DNAH8: variants seen among roughly 807,000 people sequenced by gnomAD.
DNAH8 encodes dynein axonemal heavy chain 8, also known as axonemal beta dynein heavy chain 8.
In DNAH8, 382 loss-of-function variants were observed where a neutral mutation model predicts 562.1. That is an observed-to-expected ratio of 0.68 (90% CI 0.63 to 0.74). The LOEUF is 0.74. Among genes scored for constraint, DNAH8 ranks in the 30% least tolerant of loss-of-function variants. The probability of loss-of-function intolerance (pLI) is 0.00; values close to 1 mark genes in which losing one functional copy is unlikely to be tolerated. For missense variants in DNAH8, 5,203 were observed against 5,620.4 expected (o/e 0.93, Z 2.37); for synonymous variants, 1,881 against 1,919.4 (o/e 0.98, Z 0.52).
At position 38,842,594 on chromosome 6, in the gene DNAH8, G is replaced by A. The variant is rs971625336; in HGVS notation, c.4605-69G>A. On this transcript the variant is annotated intron_variant, in intron 34 of 92. Transcript: ENST00000327475. ...CTAATTTATTCCCTAATATAATAGTGTATATACATAAAACCTTCCTCAAAT... is the reference window on the plus strand; with the variant it reads ...CTAATTTATTCCCTAATATAATAGTATATATACATAAAACCTTCCTCAAAT... The A allele has an allele frequency of 5.0e-6, 8 of 1,585,052 alleles. No individual in the cohort carries two copies. The Admixed American group carries it at 8.8e-5, about 18-fold the overall frequency.
intron 26 of DNAH8, chr6:38,822,328 AGGTTT>A (rs1772934173): frequency 6.5e-6 from 1 of 152,886 alleles, no homozygotes; most frequent in South Asian, 2.1e-4. Context: ...TAAAAATACC[AGGTTT>A]AACAAGCAGG....
At position 38,850,346 on chromosome 6, in the gene DNAH8, T is replaced by C; in HGVS notation, c.5295T>C (p.Asp1765=). The change falls in exon 38 of 93, where the codon GAT becomes GAC. Residue 1765 remains aspartate, a synonymous_variant. Coordinates refer to ENST00000327475, the MANE Select transcript of DNAH8 (RefSeq NM_001206927.2). Reference sequence around the variant, plus strand: ...ATGTGATTAATTGCTGTGTTGGAGATGAAACCATGGGACAACTTTTACCTC... The same window carrying C: ...ATGTGATTAATTGCTGTGTTGGAGACGAAACCATGGGACAACTTTTACCTC... The part of the protein sequence containing the change: ...NPNVINCCVG[D]ETMGQLLPHL... The C allele has an allele frequency of 6.2e-7, 1 of 1,613,758 alleles. No homozygotes were observed. Among genetic ancestry groups the C allele is most frequent in the East Asian group, 2.2e-5 (1 of 44,850 alleles).
chr6:38,923,086 G>A lies in DNAH8; in HGVS notation c.10691G>A (p.Arg3564Gln), dbSNP rs772835642. The part of the protein sequence containing the change: ...MDLLNDADTC[R>Q]KKMQAASTLI... ...TTGCTTAATGACGCTGATACGTGCC[G>A]GAAAAAGATGCAGGCCGCCTCCACT... The change falls in exon 72 of 93, where the codon CGG becomes CAG. Residue 3564 changes from arginine (R) to glutamine (Q), a missense_variant. Around this residue, in one of 6 missense-constraint regions of DNAH8, gnomAD observed 1,399 missense variants for 1,518.4 expected, o/e 0.92. Coordinates refer to ENST00000327475, the MANE Select transcript of DNAH8 (RefSeq NM_001206927.2). 27 of 1,613,436 alleles carry A rather than the reference G, an allele frequency of 1.7e-5. No individual in the cohort carries two copies. Among genetic ancestry groups the A allele is most frequent in the East Asian group, 6.7e-5 (3 of 44,818 alleles).
chr6:38,734,762 T>TA lies in DNAH8; in HGVS notation c.762+145dup, dbSNP rs1051938363. The TA allele has an allele frequency of 1.6e-4, 154 of 942,602 alleles. No homozygotes were observed. In the East Asian group the frequency reaches 2.4e-3, roughly 15 times the overall value. 58.4% of individuals were successfully genotyped at this position (942,602 alleles called of 1,614,324 possible). On this transcript the variant is annotated intron_variant, in intron 5 of 92. Coordinates refer to ENST00000327475, the MANE Select transcript of DNAH8 (RefSeq NM_001206927.2). ...CAAGAAAATAAATGTATTCATATATTAAAAAAAACTGAGAAATTGACTGTA... is the reference window on the plus strand; with the variant it reads ...CAAGAAAATAAATGTATTCATATATTAAAAAAAAACTGAGAAATTGACTGTA...
In DNAH8 at chr6:38,929,504, T is replaced by C. The variant is rs1168165910; in HGVS notation, c.11119-7T>C. The C allele has an allele frequency of 6.9e-6, 11 of 1,604,214 alleles. No individual in the cohort carries two copies. Among genetic ancestry groups the C allele is most frequent in the Non-Finnish European group, 9.4e-6 (11 of 1,175,484 alleles). ...CACAGATAGACCAATGAGTTCTTTC[T>C]GTTTAGGTGACATCTCTGAACCATA... On this transcript the variant is annotated splice_polypyrimidine_tract_variant and splice_region_variant and intron_variant, in intron 74 of 92. Coordinates refer to ENST00000327475, the MANE Select transcript of DNAH8 (RefSeq NM_001206927.2).
At chr6:38,834,172 T>G (rs1003071954) in intron 31 of DNAH8, among the ~76,000 whole-genome samples, 1 of 152,228 alleles carries the variant, frequency 6.6e-6, no homozygotes, top group African/African-American at 2.4e-5. Flanking sequence ...AAACACAGCA[T>G]CATCATTTGT....
intron 57 of DNAH8, among the ~76,000 whole-genome samples, chr6:38,887,308 G>C (rs1391441085): frequency 6.6e-6 from 1 of 152,180 alleles, no homozygotes; most frequent in Admixed American, 6.5e-5. Flanking sequence ...ATAGCACAAA[G>C]ATCACAGATT....
chr6:39,017,924 G>A (rs528888607), intron 91 of DNAH8, among the ~76,000 whole-genome samples: 25 of 152,314 alleles, frequency 1.6e-4, no homozygotes, highest in African/African-American at 6.0e-4. Context: ...GGGAAAGTGT[G>A]CCAAGGACTA....
chr6:38,993,632 T>C (rs949515650), intron 88 of DNAH8, among the ~76,000 whole-genome samples: 17 of 152,170 alleles, frequency 1.1e-4, no homozygotes, highest in African/African-American at 3.9e-4. Context: ...CATACATATA[T>C]ACATATTGTT....
intron 31 of DNAH8, among the ~76,000 whole-genome samples, chr6:38,833,087 C>T (rs1002782213): frequency 2.0e-5 from 3 of 151,986 alleles, no homozygotes; most frequent in Non-Finnish European, 4.4e-5. Context: ...TGGGTCAGTC[C>T]CGTATGCTAC....
intron 27 of DNAH8, among the ~76,000 whole-genome samples, chr6:38,823,286 C>T (rs997227556): frequency 1.3e-5 from 2 of 152,174 alleles, no homozygotes; most frequent in East Asian, 3.8e-4. Context: ...TGTGCCACCA[C>T]GGACTAGAGG....
At chr6:38,934,310 A>G (rs921088817) in intron 76 of DNAH8, among the ~76,000 whole-genome samples, 18 of 152,120 alleles carry the variant, frequency 1.2e-4, no homozygotes, top group Non-Finnish European at 7.4e-5. Flanking sequence ...CCGAGATCAC[A>G]CCACTGTATC....
At chr6:38,852,918 G>T in intron 40 of DNAH8, 120 bp downstream of exon 40, 1 of 769,738 alleles carries the variant, frequency 1.3e-6, no homozygotes. Flanking sequence ...TACAGCCCTG[G>T]GCTTTGTTAA....
intron 30 of DNAH8, among the ~76,000 whole-genome samples, chr6:38,831,298 A>C (rs1196860971): frequency 1.3e-5 from 2 of 151,770 alleles, no homozygotes; most frequent in Non-Finnish European, 2.9e-5. Flanking sequence ...GGCAGCACAC[A>C]CCTGTAGTCC....
chr6:38,987,893 A>G (rs1055862160), intron 87 of DNAH8, among the ~76,000 whole-genome samples: 1 of 152,220 alleles, frequency 6.6e-6, no homozygotes, highest in Non-Finnish European at 1.5e-5. Context: ...AGCTTACCAC[A>G]TGAACCTGGC....
chr6:38,889,004 T>C (rs1002773579), intron 57 of DNAH8, among the ~76,000 whole-genome samples: 2 of 152,260 alleles, frequency 1.3e-5, no homozygotes, highest in Non-Finnish European at 2.9e-5. Flanking sequence ...TGTATAGTTT[T>C]GCCTTCCATA....
intron 11 of DNAH8, among the ~76,000 whole-genome samples, chr6:38,768,570 A>C (rs1231380138): frequency 7.1e-6 from 1 of 140,086 alleles, no homozygotes; most frequent in Non-Finnish European, 1.5e-5. Context: ...CGGCCTGTTT[A>C]TTAAAAAAAA....
chr6:38,884,098 G>A (rs1163545798), intron 56 of DNAH8, 100 bp downstream of exon 56: 2 of 804,524 alleles, frequency 2.5e-6, no homozygotes, highest in East Asian at 4.7e-5. Context: ...AAAACTTTAT[G>A]TTTTTAAGTC....
At position 38,990,013 on chromosome 6, in the gene DNAH8, T is replaced by A. The variant is rs993843561; in HGVS notation, c.13055T>A (p.Val4352Asp). 2 of 1,582,418 alleles carry A rather than the reference T, an allele frequency of 1.3e-6. No homozygotes were observed. Among genetic ancestry groups the A allele is most frequent in the Non-Finnish European group, 1.7e-6 (2 of 1,155,598 alleles). ...DKRLLNCFAR[V>D]WFSEKMFEPS... Reference sequence around the variant, plus strand: ...TCTTTTGTTTTCTCTCACATACAGGTCTGGTTCAGTGAGAAGATGTTTGAA... The same window carrying A: ...TCTTTTGTTTTCTCTCACATACAGGACTGGTTCAGTGAGAAGATGTTTGAA... The change falls in exon 88 of 93, where the codon GTC (valine) becomes GAC (aspartate). Residue 4352 changes from valine (V) to aspartate (D), a missense_variant and splice_region_variant. Physicochemically the swap from Val to Asp is radical, Grantham distance 152 (BLOSUM62 -3). Coordinates refer to ENST00000327475, the MANE Select transcript of DNAH8 (RefSeq NM_001206927.2).
Sources: allele counts gnomAD v4.1 joint callset (sites outside exome capture counted in the v4.1 genomes callset), GRCh38; gene constraint gnomAD v4.1.1; regional missense constraint gnomAD v4.1.1; transcripts MANE v1.5; gene names NCBI Gene and HGNC (gene_info 2026-07-23, HGNC 2026-07-21).